XRCC5: variants seen among roughly 807,000 people sequenced by gnomAD.
XRCC5 encodes the protein X-ray repair cross complementing 5.
In XRCC5, 12 loss-of-function variants were observed where a neutral mutation model predicts 95.7. The observed-to-expected ratio is 0.13, with a 90% CI of 0.08 to 0.20. The LOEUF (loss-of-function observed/expected upper bound fraction) is 0.20, where lower values mean the gene tolerates loss of function less well. XRCC5 is among the 10% of genes least tolerant of loss of function. The pLI is 1.00. For synonymous variants in XRCC5, 281 were observed against 290.3 expected, an observed-to-expected ratio of 0.97 and a Z score of 0.33; for missense variants, 595 against 873.9, an observed-to-expected ratio of 0.68 and a Z score of 4.02.
At chr2:216,200,888 G>A (rs1689822894) in intron 19 of XRCC5, among the ~76,000 whole-genome samples, 1 of 151,998 alleles carries the variant, frequency 6.6e-6, no homozygotes, top group Non-Finnish European at 1.5e-5. Flanking sequence ...TTGTCCTTTG[G>A]CAGTTATGAA....
chr2:216,114,511 G>C (rs1696647723), intron 2 of XRCC5, among the ~76,000 whole-genome samples: 1 of 152,076 alleles, frequency 6.6e-6, no homozygotes, highest in South Asian at 2.1e-4. Context: ...AGCAGGGCAG[G>C]AGAGAGGGCC....
chr2:216,118,870 A>G (rs1051006821), intron 4 of XRCC5, among the ~76,000 whole-genome samples, 173 bp from the exon 5 acceptor site: 4 of 152,230 alleles, frequency 2.6e-5, no homozygotes, highest in Non-Finnish European at 5.9e-5. Flanking sequence ...TATAAAGTGT[A>G]TCAGGGTTGA....
In XRCC5 at chr2:216,206,163, C is replaced by G. The variant is rs563005007; in HGVS notation, c.*961C>G. ...CTTGTCCTCATTCTTGCCTTGAGTT[C>G]CAGTTCCTCTTTGGTGTACAGACTT... On this transcript the variant is annotated 3_prime_UTR_variant, in exon 21 of 21. Coordinates refer to ENST00000392132, the MANE Select transcript of XRCC5 (RefSeq NM_021141.4). 2 of 152,290 alleles carry G rather than the reference C, an allele frequency of 1.3e-5. No individual in the cohort carries two copies. Among genetic ancestry groups the G allele is most frequent in the African/African-American group, 2.4e-5 (1 of 41,554 alleles). The allele number at this position is 152,290 out of a possible 1,614,324, so 9.4% of individuals were successfully genotyped here.
intron 8 of XRCC5, among the ~76,000 whole-genome samples, chr2:216,129,390 G>T (rs1696946218): frequency 1.3e-5 from 2 of 152,158 alleles, no homozygotes; most frequent in African/African-American, 4.8e-5. Flanking sequence ...AAAGGAATCT[G>T]GTTAAATGTT....
intron 16 of XRCC5, among the ~76,000 whole-genome samples, chr2:216,165,791 C>T (rs887501463): frequency 2.6e-5 from 4 of 152,148 alleles, no homozygotes; most frequent in Non-Finnish European, 5.9e-5. Flanking sequence ...AGGTAGAACT[C>T]GGCTGTTTTA....
intron 16 of XRCC5, among the ~76,000 whole-genome samples, chr2:216,170,422 G>C (rs1039989239): frequency 6.6e-6 from 1 of 152,048 alleles, no homozygotes; most frequent in Non-Finnish European, 1.5e-5. Context: ...ATAACTAGAT[G>C]AGCCCAGAGT....
In XRCC5 at chr2:216,187,861, T is replaced by TCTCTCTCTCTCCC. The variant is rs143232624; in HGVS notation, c.1835-2363_1835-2362insTCTCTCTCTCCCC. Among the ~76,000 whole-genome samples, 99 of 116,238 alleles carry TCTCTCTCTCTCCC rather than the reference T, an allele frequency of 8.5e-4. 7 individuals carry two copies. The highest frequency in any genetic ancestry group is 3.9e-3 in the African/African-American group (93 of 23,876). The allele number at this position is 116,238 out of a possible 152,430, so 76.3% of individuals were successfully genotyped here. On this transcript the variant is annotated intron_variant, in intron 16 of 20. Transcript: ENST00000392132. ...CTCTCTCTCTCTCTCTCTCTCTCTC[T>TCTCTCTCTCTCCC]CCCCGTCTCCCTGTCTCTCCCTCTC...
intron 14 of XRCC5, among the ~76,000 whole-genome samples, chr2:216,151,769 G>T (rs1688750013): frequency 6.6e-6 from 1 of 152,140 alleles, no homozygotes; most frequent in Non-Finnish European, 1.5e-5. Flanking sequence ...AATATGCCTG[G>T]CATGTTAGTA....
chr2:216,203,848 CT>C (rs56250537), intron 19 of XRCC5, among the ~76,000 whole-genome samples: 89 of 118,760 alleles, frequency 7.5e-4, no homozygotes, highest in Non-Finnish European at 8.8e-4. Context: ...TTATTCTAAG[CT>C]TTTTTTTTTT....
At chr2:216,155,661 C>T (rs942690851) in intron 14 of XRCC5, among the ~76,000 whole-genome samples, 2 of 152,092 alleles carry the variant, frequency 1.3e-5, no homozygotes, top group Non-Finnish European at 2.9e-5. Context: ...GCCACATGGA[C>T]AGATCTCTAA....
intron 16 of XRCC5, among the ~76,000 whole-genome samples, chr2:216,187,857 T>TCTCTCTCTCTCTCTCTCC (rs1239439771): frequency 2.6e-5 from 3 of 117,316 alleles, no homozygotes; most frequent in Non-Finnish European, 5.2e-5. Context: ...TCTCTCTCTC[T>TCTCTCTCTCTCTCTCTCC]CTCTCCCCGT....
At chr2:216,138,023 G>A in intron 11 of XRCC5, 66 bp from the exon 12 acceptor site, 1 of 1,336,362 alleles carries the variant, frequency 7.5e-7, no homozygotes. Context: ...ACAGAATTTG[G>A]GATCAGTTTT....
chr2:216,125,518 A>G (rs1042168510), intron 6 of XRCC5, among the ~76,000 whole-genome samples: 16 of 152,110 alleles, frequency 1.1e-4, no homozygotes, highest in African/African-American at 3.1e-4. Context: ...TCTTATCCTC[A>G]GGTCCGTGGT....
chr2:216,138,283 A>G (rs1196948370), intron 12 of XRCC5, 104 bp downstream of exon 12: 7 of 941,444 alleles, frequency 7.4e-6, no homozygotes, highest in South Asian at 5.6e-5. Context: ...ATAGGGTGCA[A>G]TTAGTTGGAT....
chr2:216,155,452 A>C (rs1366759051), intron 14 of XRCC5, among the ~76,000 whole-genome samples: 1 of 152,204 alleles, frequency 6.6e-6, no homozygotes, highest in Non-Finnish European at 1.5e-5. Flanking sequence ...GCAAAAAAAA[A>C]CATTGGCAAA....
At chr2:216,192,236 T>G (rs1376625936) in intron 17 of XRCC5, among the ~76,000 whole-genome samples, 3 of 152,186 alleles carry the variant, frequency 2.0e-5, no homozygotes. Context: ...TCAGGTGATC[T>G]GCCCAGCTCA....
In XRCC5 at chr2:216,166,176, A is replaced by G. The variant is rs3770511; in HGVS notation, c.1834+4128A>G. 7.9e-5 allele frequency among the ~76,000 whole-genome samples: 12 copies of G among 152,156 alleles called. 1 individual carries two copies. In the East Asian group the frequency reaches 2.3e-3, roughly 29 times the overall value. ...CAGTCTGTCGCCCAGACTGGAGTGC[A>G]GTAGCATGATCACAGCTCACTGCAG... On this transcript the variant is annotated intron_variant, in intron 16 of 20. Transcript: ENST00000392132.
At chr2:216,171,890 C>T (rs1341722839) in intron 16 of XRCC5, among the ~76,000 whole-genome samples, 1 of 152,168 alleles carries the variant, frequency 6.6e-6, no homozygotes, top group Non-Finnish European at 1.5e-5. Context: ...GTAAAATCTT[C>T]TACTATAAAA....
intron 13 of XRCC5, 76 bp from the exon 14 acceptor site, chr2:216,148,006 AG>A: frequency 6.8e-7 from 1 of 1,462,358 alleles, no homozygotes; most frequent in Admixed American, 2.3e-5. Context: ...CTAAAGATGG[AG>A]GATCCCTGAT....
Sources: allele counts gnomAD v4.1 joint callset (sites outside exome capture counted in the v4.1 genomes callset), GRCh38; gene constraint gnomAD v4.1.1; transcripts MANE v1.5; gene names NCBI Gene and HGNC (gene_info 2026-07-23, HGNC 2026-07-21).